Variants in DNAJC7 observed in about 807,000 individuals in gnomAD.
DNAJC7 encodes dnaJ homolog subfamily C member 7.
In DNAJC7, 18 loss-of-function variants were observed where a neutral mutation model predicts 67.4. That is an observed-to-expected ratio of 0.27 (90% confidence interval 0.18 to 0.40). DNAJC7 has a LOEUF of 0.40. Among genes scored for constraint, DNAJC7 ranks in the 10% least tolerant of loss-of-function variants. The pLI is 1.00. For synonymous variants in DNAJC7, 220 were observed against 207.8 expected, an observed-to-expected ratio of 1.06 and a Z score of -0.50; for missense variants, 419 against 613.8, an observed-to-expected ratio of 0.68 and a Z score of 3.35.
At chr17:42,000,597 T>A in intron 1 of DNAJC7, 27 bp from the exon 2 acceptor site, 1 of 1,560,076 alleles carries the variant, frequency 6.4e-7, no homozygotes, top group South Asian at 1.1e-5. Context: ...AAGAGAATCA[T>A]GTTACTTTAC....
At chr17:41,990,145 G>A (rs1346372752) in intron 6 of DNAJC7, 119 bp downstream of exon 6, 1 of 929,562 alleles carries the variant, frequency 1.1e-6, no homozygotes, top group Non-Finnish European at 1.7e-6. Flanking sequence ...TAAGTCCCAA[G>A]AGGGTCTGAT....
intron 12 of DNAJC7, among the ~76,000 whole-genome samples, chr17:41,980,248 C>A (rs2051214262): frequency 6.6e-6 from 1 of 151,994 alleles, no homozygotes; most frequent in Admixed American, 6.5e-5. Context: ...CGGGGTTTCA[C>A]CATGTTGGGC....
At chr17:42,017,037 C>A (rs1598162267) in intron 1 of DNAJC7, 2 of 1,335,910 alleles carry the variant, frequency 1.5e-6, no homozygotes, top group Non-Finnish European at 9.6e-7. Flanking sequence ...CCGCTTCCCC[C>A]ACCTCGCACC....
At chr17:41,979,655 C>CT (rs1555645613) in intron 12 of DNAJC7, among the ~76,000 whole-genome samples, 1 of 7,576 alleles carries the variant, frequency 1.3e-4, no homozygotes, top group African/African-American at 3.8e-4. Flanking sequence ...TGGGCTCAGT[C>CT]TTAAAAAAAA....
intron 10 of DNAJC7, among the ~76,000 whole-genome samples, chr17:41,983,060 A>G (rs2051290739): frequency 6.6e-6 from 1 of 152,016 alleles, no homozygotes; most frequent in African/African-American, 2.4e-5. Context: ...GACAGGGAGG[A>G]TCTGGAACCA....
chr17:41,979,820 G>T (rs1349910409), intron 12 of DNAJC7, among the ~76,000 whole-genome samples: 2 of 151,460 alleles, frequency 1.3e-5, no homozygotes, highest in Admixed American at 1.3e-4. Flanking sequence ...AATTAGCTGG[G>T]CGTGGTGGCG....
chr17:42,016,904 A>G, intron 1 of DNAJC7: 2 of 1,066,868 alleles, frequency 1.9e-6, no homozygotes, highest in Non-Finnish European at 2.3e-6. Flanking sequence ...ATTACAAGGG[A>G]AAACGGGGTG....
At position 41,990,334 on chromosome 17, in the gene DNAJC7, G is replaced by A. The variant is rs782376786; in HGVS notation, c.529C>T (p.Arg177Cys). The part of the protein sequence containing the change: ...RALEFAPACH[R>C]FKILKAECLA... ...CATTCTGCCTTGAGGATTTTGAAGC[G>A]ATGGCAGGCAGGGGCAAATTCTAGG... is the stretch of plus-strand genomic sequence containing the variant. The change falls in exon 6 of 14, where the codon CGC becomes TGC. Residue 177 changes from arginine (R) to cysteine (C), a missense_variant. Physicochemically the swap from Arg to Cys is radical, Grantham distance 180. This residue lies in a region of DNAJC7 where 179 missense variants were observed against 249.7 expected (regional missense o/e 0.72). Transcript: ENST00000457167. The A allele has an allele frequency of 4.8e-5, 77 of 1,611,654 alleles. No individual in the cohort carries two copies. Among genetic ancestry groups the A allele is most frequent in the East Asian group, 6.7e-5 (3 of 44,888 alleles).
At chr17:41,989,987 G>A (rs2035913817) in intron 6 of DNAJC7, among the ~76,000 whole-genome samples, 1 of 152,244 alleles carries the variant, frequency 6.6e-6, no homozygotes, top group Admixed American at 6.5e-5. Flanking sequence ...GTGCCAACCA[G>A]TGGAGTAGAA....
intron 1 of DNAJC7, among the ~76,000 whole-genome samples, chr17:42,002,462 G>A (rs2051833265): frequency 6.6e-6 from 1 of 152,184 alleles, no homozygotes; most frequent in South Asian, 2.1e-4. Context: ...CCCCTATGGA[G>A]GTCGGGGAGT....
chr17:41,999,911 C>G (rs782129781), intron 2 of DNAJC7, among the ~76,000 whole-genome samples: 3 of 145,742 alleles, frequency 2.1e-5, no homozygotes, highest in Non-Finnish European at 1.5e-5. Flanking sequence ...TTCTACCTCC[C>G]GAGTTCAGGC....
At chr17:41,979,274 G>C (rs1213288932) in intron 12 of DNAJC7, among the ~76,000 whole-genome samples, 2 of 151,846 alleles carry the variant, frequency 1.3e-5, no homozygotes, top group Non-Finnish European at 2.9e-5. Context: ...GGGAGGTGGA[G>C]GTTGCCGTGA....
chr17:41,977,392 G>A, intron 12 of DNAJC7, 69 bp from the exon 13 acceptor site: 1 of 1,364,252 alleles, frequency 7.3e-7, no homozygotes, highest in Non-Finnish European at 1.0e-6. Context: ...GAAGAGAACT[G>A]ATGACACTGA....
rs1555647398 is a variant in DNAJC7 at position 41,989,568 on chromosome 17, C to G, written c.600-11G>C. 6.2e-7 allele frequency: 1 copy of G among 1,613,130 alleles called. No individual in the cohort carries two copies. The highest frequency in any genetic ancestry group is 2.2e-5 in the East Asian group (1 of 44,872). On this transcript the variant is annotated splice_polypyrimidine_tract_variant and intron_variant, in intron 6 of 13. Coordinates refer to ENST00000457167, the MANE Select transcript of DNAJC7 (RefSeq NM_003315.4). ...ATTCGTAGAATGTCACTGCAATAGT[C>G]AGAAAAGGGCACATTGAGCTGTGCT...
chr17:41,991,989 T>TAAG (rs2051520506), intron 5 of DNAJC7, among the ~76,000 whole-genome samples: 1 of 151,962 alleles, frequency 6.6e-6, no homozygotes, highest in South Asian at 2.1e-4. Context: ...CAACACTTTC[T>TAAG]AGTTTTTGAA....
intron 1 of DNAJC7, chr17:42,011,615 T>C (rs62076906): frequency 1.3e-5 from 2 of 152,210 alleles, no homozygotes; most frequent in Non-Finnish European, 2.9e-5. Flanking sequence ...TCCCATTTCT[T>C]CACATCTGAC....
intron 1 of DNAJC7, 26 bp from the exon 2 acceptor site, chr17:42,000,596 A>G (rs2143271181): frequency 1.3e-6 from 2 of 1,559,186 alleles, no homozygotes; most frequent in Non-Finnish European, 1.8e-6. Flanking sequence ...AAAGAGAATC[A>G]TGTTACTTTA....
At chr17:41,981,824 A>G in intron 12 of DNAJC7, 31 bp downstream of exon 12, 1 of 1,607,216 alleles carries the variant, frequency 6.2e-7, no homozygotes, top group South Asian at 1.1e-5. Flanking sequence ...ACAGCTGTCA[A>G]ATTCATCCCA....
At chr17:42,011,876 G>A (rs2052126018) in intron 1 of DNAJC7, 1 of 152,216 alleles carries the variant, frequency 6.6e-6, no homozygotes, top group African/African-American at 2.4e-5. Context: ...CAAAGCTGCA[G>A]CAAACGAACA....
Sources: gnomAD v4.1 joint callset for allele counts (sites outside exome capture counted in the v4.1 genomes callset) on GRCh38, gnomAD v4.1.1 for gene constraint, gnomAD v4.1.1 regional missense constraint, MANE v1.5 for transcripts, NCBI Gene and HGNC (gene_info 2026-07-23, HGNC 2026-07-21) for gene names.